The following FCHSD2 variants were observed in gnomAD, a reference collection of about 807,000 sequenced individuals.
The protein encoded by FCHSD2 is FCH and double SH3 domains 2.
In FCHSD2, 38 loss-of-function variants were observed where a neutral mutation model predicts 108.1. That is an observed-to-expected ratio of 0.35 (90% CI 0.27 to 0.46). The LOEUF is 0.46. Among genes scored for constraint, FCHSD2 ranks in the 20% least tolerant of loss-of-function variants. The probability of loss-of-function intolerance (pLI) is 1.00; values close to 1 mark genes in which losing one functional copy is unlikely to be tolerated. For synonymous variants in FCHSD2, 279 were observed against 314.7 expected, an observed-to-expected ratio of 0.89 and a Z score of 1.20; for missense variants, 751 against 897.8, an observed-to-expected ratio of 0.84 and a Z score of 2.09.
intron 4 of FCHSD2, among the ~76,000 whole-genome samples, chr11:73,014,313 G>A (rs1374820859): frequency 6.6e-6 from 1 of 151,568 alleles, no homozygotes; most frequent in Non-Finnish European, 1.5e-5. Flanking sequence ...TTTTTTTGTA[G>A]AGATGGAGTA....
chr11:72,868,182 G>C (rs1026688675), intron 12 of FCHSD2, among the ~76,000 whole-genome samples, 156 bp from the exon 13 acceptor site: 7 of 152,188 alleles, frequency 4.6e-5, no homozygotes, highest in African/African-American at 1.2e-4. Context: ...AAAGGACAGA[G>C]ATCATATCCT....
intron 2 of FCHSD2, among the ~76,000 whole-genome samples, chr11:73,113,683 TG>T (rs1310713268): frequency 6.6e-6 from 1 of 152,186 alleles, no homozygotes; most frequent in East Asian, 1.9e-4. Context: ...CCGTCCTTCT[TG>T]GGAAAGTTTT....
chr11:73,114,112 T>C (rs1028124560), intron 2 of FCHSD2, among the ~76,000 whole-genome samples: 3 of 151,832 alleles, frequency 2.0e-5, no homozygotes, highest in Non-Finnish European at 1.5e-5. Flanking sequence ...GATGCTCTAT[T>C]CTACTGCAGC....
chr11:73,038,479 C>T (rs959221216), intron 3 of FCHSD2, among the ~76,000 whole-genome samples: 14 of 152,050 alleles, frequency 9.2e-5, no homozygotes, highest in Admixed American at 9.2e-4. Context: ...CACTGATGGG[C>T]ACCTGTGGTA....
At chr11:73,053,343 C>A (rs1858947055) in intron 3 of FCHSD2, among the ~76,000 whole-genome samples, 1 of 151,960 alleles carries the variant, frequency 6.6e-6, no homozygotes, top group Non-Finnish European at 1.5e-5. Flanking sequence ...TTAAATTTAA[C>A]TGTAATTCCA....
At chr11:73,136,811 C>T (rs1433061050) in intron 2 of FCHSD2, among the ~76,000 whole-genome samples, 1 of 152,096 alleles carries the variant, frequency 6.6e-6, no homozygotes, top group Non-Finnish European at 1.5e-5. Flanking sequence ...GGGTGGATCA[C>T]TTGAGGTCAG....
chr11:72,874,791 T>TA (rs914619397), intron 12 of FCHSD2, among the ~76,000 whole-genome samples: 1 of 152,204 alleles, frequency 6.6e-6, no homozygotes, highest in Non-Finnish European at 1.5e-5. Flanking sequence ...GCTTATAAGT[T>TA]AAAAATTGTC....
At chr11:72,944,892 A>C (rs550779839) in intron 8 of FCHSD2, among the ~76,000 whole-genome samples, 85 of 152,308 alleles carry the variant, frequency 5.6e-4, no homozygotes, top group African/African-American at 2.0e-3. Flanking sequence ...TGCTCAATGA[A>C]ATAAAAAAGG....
chr11:72,876,799 T>C (rs1854979703), intron 12 of FCHSD2, among the ~76,000 whole-genome samples: 1 of 152,188 alleles, frequency 6.6e-6, no homozygotes, highest in Admixed American at 6.5e-5. Context: ...TTTGTCTAGT[T>C]CTTCTTTCAG....
intron 12 of FCHSD2, among the ~76,000 whole-genome samples, chr11:72,882,469 T>G (rs573997646): frequency 6.6e-6 from 1 of 152,174 alleles, no homozygotes; most frequent in Non-Finnish European, 1.5e-5. Flanking sequence ...ATAGATGGGA[T>G]AAGTTCTGGT....
At chr11:73,073,683 A>G (rs1859483784) in intron 3 of FCHSD2, among the ~76,000 whole-genome samples, 1 of 152,262 alleles carries the variant, frequency 6.6e-6, no homozygotes. Context: ...ATTCCTCGTA[A>G]TAATTCTATA....
intron 2 of FCHSD2, among the ~76,000 whole-genome samples, chr11:73,128,977 T>G (rs1187943171): frequency 6.6e-6 from 1 of 152,192 alleles, no homozygotes; most frequent in African/African-American, 2.4e-5. Context: ...GTTCAAGCGA[T>G]TCTCCTGCCT....
chr11:72,903,117 C>T (rs1041797766), intron 9 of FCHSD2, among the ~76,000 whole-genome samples: 1 of 152,226 alleles, frequency 6.6e-6, no homozygotes, highest in African/African-American at 2.4e-5. Flanking sequence ...TATTTCTCAG[C>T]ACCTTCTTGA....
intron 2 of FCHSD2, among the ~76,000 whole-genome samples, chr11:73,094,156 A>G (rs1246543754): frequency 6.6e-6 from 1 of 152,154 alleles, no homozygotes; most frequent in Non-Finnish European, 1.5e-5. Context: ...GGTTACAATG[A>G]GCCAAGACCA....
chr11:72,893,974 C>T (rs553884637), intron 10 of FCHSD2, among the ~76,000 whole-genome samples: 187 of 152,232 alleles, frequency 1.2e-3, no homozygotes, highest in African/African-American at 4.0e-3. Flanking sequence ...ATAGAAGGCT[C>T]AGATATCTGA....
chr11:72,872,115 A>G (rs1392195099), intron 12 of FCHSD2, among the ~76,000 whole-genome samples: 1 of 152,074 alleles, frequency 6.6e-6, no homozygotes, highest in Non-Finnish European at 1.5e-5. Context: ...GGGGTATCAT[A>G]TACGTCTTTA....
intron 3 of FCHSD2, among the ~76,000 whole-genome samples, chr11:73,070,098 G>A (rs1170265658): frequency 6.6e-6 from 1 of 152,132 alleles, no homozygotes; most frequent in African/African-American, 2.4e-5. Flanking sequence ...AAACTTATCA[G>A]TAACAAGAAT....
intron 8 of FCHSD2, among the ~76,000 whole-genome samples, chr11:72,924,992 A>G (rs1439791797): frequency 6.6e-6 from 1 of 152,228 alleles, no homozygotes; most frequent in East Asian, 1.9e-4. Context: ...TAACATGATT[A>G]CATTTTGGCA....
chr11:72,936,999 T>C (rs6592499), intron 8 of FCHSD2, among the ~76,000 whole-genome samples: 151,755 of 152,288 alleles, frequency 1, 75,612 homozygotes, highest in Middle Eastern at 1. Flanking sequence ...CTTTATATGC[T>C]TCATAATCTT....
Sources: gnomAD v4.1 joint callset for allele counts (sites outside exome capture counted in the v4.1 genomes callset) on GRCh38, gnomAD v4.1.1 for gene constraint, MANE v1.5 for transcripts, NCBI Gene and HGNC (gene_info 2026-07-23, HGNC 2026-07-21) for gene names.